The following GOLGA6L10 variants were observed in gnomAD, a reference collection of about 807,000 sequenced individuals.
The protein encoded by GOLGA6L10 is golgin A6 family like 10.
In GOLGA6L10, 4 loss-of-function variants were observed where a neutral mutation model predicts 56.9. That is an observed-to-expected ratio of 0.07 (90% CI 0.03 to 0.16). The LOEUF is 0.16. Among genes scored for constraint, GOLGA6L10 ranks in the 10% least tolerant of loss-of-function variants. The pLI is 1.00. For synonymous variants in GOLGA6L10, 11 were observed against 220.9 expected (o/e 0.05, Z 8.43); for missense variants, 34 against 558.3 (o/e 0.06, Z 9.46).
Position 82,342,543 on chromosome 15 carries a change from T to C in GOLGA6L10, c.*233A>G, listed in dbSNP as rs1452385807. The C allele has an allele frequency of 9.6e-7, 1 of 1,041,146 alleles. No homozygotes were observed. The highest frequency in any genetic ancestry group is 1.3e-6 in the Non-Finnish European group (1 of 779,594). 64.5% of individuals were successfully genotyped at this position (1,041,146 alleles called of 1,614,324 possible). A position where few individuals can be genotyped will look rare whatever the true frequency, so the allele number is the denominator to read the frequency against. On this transcript the variant is annotated 3_prime_UTR_variant, in exon 9 of 9. Coordinates refer to ENST00000610657, the MANE Select transcript of GOLGA6L10 (RefSeq NM_001164465.3). ...AGAGAAAGACCCACTCTCATTTAACTTTTTACAAATAAATTTAAATTATAA... is the reference window on the plus strand; with the variant it reads ...AGAGAAAGACCCACTCTCATTTAACCTTTTACAAATAAATTTAAATTATAA...
In GOLGA6L10 at chr15:82,340,292, T is replaced by A. The variant is rs1479269121; in HGVS notation, c.*2484A>T. 6.6e-6 allele frequency: 1 copy of A among 151,410 alleles called. No homozygotes were observed. The highest frequency in any genetic ancestry group is 1.5e-5 in the Non-Finnish European group (1 of 67,804). The allele number at this position is 151,410 out of a possible 1,614,324, so 9.4% of individuals were successfully genotyped here. A position where few individuals can be genotyped will look rare whatever the true frequency, so the allele number is the denominator to read the frequency against. On this transcript the variant is annotated 3_prime_UTR_variant, in exon 9 of 9. Transcript: ENST00000610657. ...AAGACATTAATTTAACAGTTACATT[T>A]TTGAATAGTTATTTGAAAGTGACTG... is the stretch of plus-strand genomic sequence containing the variant.
rs2075636176 is a variant in GOLGA6L10, at chr15:82,340,401, C to G, written c.*2375G>C. ...CTAAAAATCAGCTTTGGTTTTAGAA[C>G]TGATTGTTTTTCATTTCAGGAAAAC... On this transcript the variant is annotated 3_prime_UTR_variant, in exon 9 of 9. Coordinates refer to ENST00000610657, the MANE Select transcript of GOLGA6L10 (RefSeq NM_001164465.3). 1 of 151,446 alleles carries G rather than the reference C, an allele frequency of 6.6e-6. No homozygotes were observed. The highest frequency in any genetic ancestry group is 1.5e-5 in the Non-Finnish European group (1 of 67,800). 9.4% of individuals were successfully genotyped at this position (151,446 alleles called of 1,614,324 possible). A position where few individuals can be genotyped will look rare whatever the true frequency, so the allele number is the denominator to read the frequency against.
rs2075636331 is a variant in GOLGA6L10, at chr15:82,340,419, A to G, written c.*2357T>C. Reference sequence around the variant, plus strand: ...TTTAGAACTGATTGTTTTTCATTTCAGGAAAACCTATCAGGTTTAATCTAT... The same window carrying G: ...TTTAGAACTGATTGTTTTTCATTTCGGGAAAACCTATCAGGTTTAATCTAT... On this transcript the variant is annotated 3_prime_UTR_variant, in exon 9 of 9. Transcript: ENST00000610657. The G allele has an allele frequency of 6.6e-6, 1 of 151,494 alleles. No individual in the cohort carries two copies. Among genetic ancestry groups the G allele is most frequent in the Non-Finnish European group, 1.5e-5 (1 of 67,810 alleles). 9.4% of individuals were successfully genotyped at this position (151,494 alleles called of 1,614,324 possible). A position where few individuals can be genotyped will look rare whatever the true frequency, so the allele number is the denominator to read the frequency against.
intron 7 of GOLGA6L10, among the ~76,000 whole-genome samples, 155 bp downstream of exon 7, chr15:82,344,106 C>A (rs1463318385): frequency 2.0e-5 from 3 of 149,672 alleles, no homozygotes; most frequent in Admixed American, 6.6e-5. Flanking sequence ...GGGCAGGAAG[C>A]AAGAAACAGT....
intron 7 of GOLGA6L10, among the ~76,000 whole-genome samples, 171 bp downstream of exon 7, chr15:82,344,090 G>C (rs2075659542): frequency 6.7e-6 from 1 of 150,030 alleles, no homozygotes; most frequent in African/African-American, 2.5e-5. Flanking sequence ...ACCTCTAAAA[G>C]TCAGAGGGCA....
rs1178954362 is a variant in GOLGA6L10 at position 82,340,281 on chromosome 15, A to G, written c.*2495T>C. The G allele has an allele frequency of 7.3e-5, 11 of 151,462 alleles. 2 individuals carry two copies. The highest frequency in any genetic ancestry group is 2.4e-4 in the African/African-American group (10 of 41,454). 9.4% of individuals were successfully genotyped at this position (151,462 alleles called of 1,614,324 possible). ...TAAATTATTTTAAGACATTAATTTA[A>G]CAGTTACATTTTTGAATAGTTATTT... On this transcript the variant is annotated 3_prime_UTR_variant, in exon 9 of 9. Coordinates refer to ENST00000610657, the MANE Select transcript of GOLGA6L10 (RefSeq NM_001164465.3).
intron 1 of GOLGA6L10, among the ~76,000 whole-genome samples, chr15:82,347,930 C>T (rs1164081408): frequency 6.7e-6 from 1 of 149,974 alleles, no homozygotes. Context: ...GGTAGAAAAG[C>T]ACACATTAAG....
chr15:82,347,999 G>A (rs1446832747), intron 1 of GOLGA6L10, among the ~76,000 whole-genome samples: 86 of 152,024 alleles, frequency 5.7e-4, no homozygotes, highest in South Asian at 1.9e-3. Context: ...GTCTGCTAGC[G>A]TGAAGAAGCG....
chr15:82,340,044 G>C lies in GOLGA6L10; in HGVS notation c.*2732C>G, dbSNP rs2075634187. 6.6e-6 allele frequency: 1 copy of C among 151,422 alleles called. No homozygotes were observed. The highest frequency in any genetic ancestry group is 2.4e-5 in the African/African-American group (1 of 41,410). 9.4% of individuals were successfully genotyped at this position (151,422 alleles called of 1,614,324 possible). A position where few individuals can be genotyped will look rare whatever the true frequency, so the allele number is the denominator to read the frequency against. On this transcript the variant is annotated 3_prime_UTR_variant, in exon 9 of 9. Transcript: ENST00000610657. ...CAATCTAATAATTTATTACATTACA[G>C]TAGCATCACAGAAGCAGTCAATAAT...
chr15:82,348,008 C>A (rs1413273630), intron 1 of GOLGA6L10, among the ~76,000 whole-genome samples: 1 of 151,928 alleles, frequency 6.6e-6, no homozygotes, highest in Admixed American at 6.6e-5. Flanking sequence ...CGTGAAGAAG[C>A]GTACCAGTAC....
Position 82,345,267 on chromosome 15 carries a change from T to G in GOLGA6L10, c.593A>C (p.Glu198Ala). ...QMLSLLNRRQEERLREQEERL... is the reference protein window; with the variant it reads ...QMLSLLNRRQAERLREQEERL... ...CTCCTCCTGTTCACGTAGCCTCTCC[T>G]CCTGTCTCCTGTTCAGGAGACTCAA... The change falls in exon 6 of 9, where the codon GAG becomes GCG. Residue 198 changes from glutamate (E) to alanine (A), a missense_variant. Coordinates refer to ENST00000610657, the MANE Select transcript of GOLGA6L10 (RefSeq NM_001164465.3). The G allele has an allele frequency of 6.3e-7, 1 of 1,590,862 alleles. No individual in the cohort carries two copies. The highest frequency in any genetic ancestry group is 8.5e-7 in the Non-Finnish European group (1 of 1,174,292).
chr15:82,344,066 C>A (rs1188099135), intron 7 of GOLGA6L10, among the ~76,000 whole-genome samples, 195 bp downstream of exon 7: 1 of 150,324 alleles, frequency 6.7e-6, no homozygotes. Flanking sequence ...CCTGGGAGGG[C>A]CCCAGGGCTA....
In GOLGA6L10 at chr15:82,340,212, A is replaced by G. The variant is rs1438283167; in HGVS notation, c.*2564T>C. The G allele has an allele frequency of 6.6e-6, 1 of 151,514 alleles. No individual in the cohort carries two copies. Among genetic ancestry groups the G allele is most frequent in the African/African-American group, 2.4e-5 (1 of 41,364 alleles). The allele number at this position is 151,514 out of a possible 1,614,324, so 9.4% of individuals were successfully genotyped here. On this transcript the variant is annotated 3_prime_UTR_variant, in exon 9 of 9. Transcript: ENST00000610657. ...TTCTTTCTCTACTTTTCCTTCCCCTAGATTCTTTGTTTTAAGCTACAGTAT... is the reference window on the plus strand; with the variant it reads ...TTCTTTCTCTACTTTTCCTTCCCCTGGATTCTTTGTTTTAAGCTACAGTAT...
At position 82,345,389 on chromosome 15, in the gene GOLGA6L10, A is replaced by T. The variant is rs367813564; in HGVS notation, c.471T>A (p.Ser157=). ...PLAPEPPAGP[S]KVEQLQDETN... ...TCTCATCTTGTAGCTGCTCCACCTT[A>T]GATGGCCCTGCTGGGGGCTCTGGGG... The change falls in exon 6 of 9, where the codon TCT becomes TCA. Residue 157 remains serine, a synonymous_variant. Transcript: ENST00000610657. 194,165 of 1,283,864 alleles carry T rather than the reference A, an allele frequency of 0.15. 45 individuals carry two copies. Among genetic ancestry groups the T allele is most frequent in the South Asian group, 0.24 (16,326 of 67,416 alleles). The allele number at this position is 1,283,864 out of a possible 1,614,324, so 79.5% of individuals were successfully genotyped here. A position where few individuals can be genotyped will look rare whatever the true frequency, so the allele number is the denominator to read the frequency against.
Position 82,347,915 on chromosome 15 carries a change from G to T in GOLGA6L10, c.85-286C>A, listed in dbSNP as rs1210506879. On this transcript the variant is annotated intron_variant, in intron 1 of 8. Coordinates refer to ENST00000610657, the MANE Select transcript of GOLGA6L10 (RefSeq NM_001164465.3). ...CAGCTTCCAGGGACCAAAACCAGGG[G>T]CAGAGGTAGAAAAGCACACATTAAG... 2.2e-4 allele frequency among the ~76,000 whole-genome samples: 34 copies of T among 152,246 alleles called. No homozygotes were observed. The East Asian group carries it at 2.8e-3, about 12-fold the overall frequency.
intron 1 of GOLGA6L10, among the ~76,000 whole-genome samples, chr15:82,347,850 G>C (rs1200517587): frequency 1.3e-5 from 2 of 152,200 alleles, no homozygotes; most frequent in Admixed American, 6.5e-5. Flanking sequence ...CTTAAACTCA[G>C]TCCTCTGACT....
chr15:82,343,811 G>A, intron 7 of GOLGA6L10, among the ~76,000 whole-genome samples: 1 of 150,880 alleles, frequency 6.6e-6, no homozygotes, highest in Non-Finnish European at 1.5e-5. Context: ...TTACAGGCAT[G>A]CACCACCAGG....
intron 2 of GOLGA6L10, chr15:82,347,191 TC>T: frequency 7.0e-7 from 1 of 1,420,954 alleles, no homozygotes; most frequent in South Asian, 1.5e-5. Context: ...TTCCTCAGTG[TC>T]CTGGGTGTTT....
At chr15:82,344,091 T>A (rs1353578190) in intron 7 of GOLGA6L10, among the ~76,000 whole-genome samples, 170 bp downstream of exon 7, 1 of 149,886 alleles carries the variant, frequency 6.7e-6, no homozygotes, top group Non-Finnish European at 1.5e-5. Flanking sequence ...CCTCTAAAAG[T>A]CAGAGGGCAG....
Sources: allele counts gnomAD v4.1 joint callset (sites outside exome capture counted in the v4.1 genomes callset), GRCh38; gene constraint gnomAD v4.1.1; transcripts MANE v1.5; gene names NCBI Gene and HGNC (gene_info 2026-07-23, HGNC 2026-07-21).